The following RABGAP1L variants were observed in gnomAD, a reference collection of about 807,000 sequenced individuals.
The protein encoded by RABGAP1L is RAB GTPase activating protein 1 like, also known as rab GTPase-activating protein 1-like.
Under a neutral mutation model 137.7 loss-of-function variants are expected in RABGAP1L, and 63 were observed. That is an observed-to-expected ratio of 0.46 (90% CI 0.37 to 0.56). The LOEUF is 0.56. Among genes scored for constraint, RABGAP1L ranks in the 20% least tolerant of loss-of-function variants. The probability of loss-of-function intolerance (pLI) is 0.00; values close to 1 mark genes in which losing one functional copy is unlikely to be tolerated. For synonymous variants in RABGAP1L, 431 were observed against 433.7 expected, an observed-to-expected ratio of 0.99 and a Z score of 0.08; for missense variants, 1,095 against 1,244.0, an observed-to-expected ratio of 0.88 and a Z score of 1.80.
chr1:174,396,321 T>C (rs1046920330), intron 13 of RABGAP1L, among the ~76,000 whole-genome samples: 5 of 152,244 alleles, frequency 3.3e-5, no homozygotes, highest in Admixed American at 2.6e-4. Flanking sequence ...TTTTATGTTA[T>C]GTTTAACACA....
chr1:174,305,182 A>G lies in RABGAP1L; in HGVS notation c.1465+55A>G. On this transcript the variant is annotated intron_variant, in intron 11 of 25. Transcript: ENST00000681986. ...TGTCTGTATAGCTGCTTTACTTACA[A>G]TCTTCAGAGGAGGTGTGTGTGTTGT... 3 of 1,445,328 alleles carry G rather than the reference A, an allele frequency of 2.1e-6. 1 individual carries two copies. The highest frequency in any genetic ancestry group is 2.7e-6 in the Non-Finnish European group (3 of 1,101,074). 89.5% of individuals were successfully genotyped at this position (1,445,328 alleles called of 1,614,324 possible).
At chr1:174,858,843 A>G (rs1351305283) in intron 19 of RABGAP1L, among the ~76,000 whole-genome samples, 4 of 152,240 alleles carry the variant, frequency 2.6e-5, no homozygotes, top group Admixed American at 2.0e-4. Context: ...TCATCTGAGC[A>G]GGTTTAAAGA....
At chr1:174,288,357 T>G (rs1676259561) in intron 10 of RABGAP1L, among the ~76,000 whole-genome samples, 2 of 152,196 alleles carry the variant, frequency 1.3e-5, no homozygotes, top group Admixed American at 1.3e-4. Context: ...TCATTTCAAC[T>G]TGAAGAACTT....
At chr1:174,300,545 A>AC (rs902583535) in intron 10 of RABGAP1L, among the ~76,000 whole-genome samples, 16 of 151,668 alleles carry the variant, frequency 1.1e-4, no homozygotes, top group African/African-American at 3.4e-4. Flanking sequence ...AAAAAAAAAA[A>AC]AAAGTGAGGT....
At chr1:174,601,692 C>T (rs1670426358) in intron 13 of RABGAP1L, among the ~76,000 whole-genome samples, 1 of 152,078 alleles carries the variant, frequency 6.6e-6, no homozygotes, top group East Asian at 1.9e-4. Context: ...TTCTTTTCTA[C>T]TGCATTAGGC....
chr1:174,376,995 A>G (rs1389610170), intron 12 of RABGAP1L, among the ~76,000 whole-genome samples: 1 of 152,232 alleles, frequency 6.6e-6, no homozygotes, highest in Admixed American at 6.5e-5. Context: ...TAGATCTAAT[A>G]AATGAGTTTT....
At chr1:174,272,393 T>C in intron 7 of RABGAP1L, 21 bp from the exon 8 acceptor site, 1 of 1,600,788 alleles carries the variant, frequency 6.2e-7, no homozygotes, top group East Asian at 2.3e-5. Context: ...ATTTCTCCTT[T>C]TTTTCCCCCA....
rs867464258 is a variant in RABGAP1L, at chr1:174,580,634, G to T, written c.1711-56741G>T. ...ATCACACACCGGGGCCTGCTGTGGG[G>T]TGGGAGGAGGGGGGAGGGATAGCAT... On this transcript the variant is annotated intron_variant, in intron 13 of 25. Coordinates refer to ENST00000681986, the MANE Select transcript of RABGAP1L (RefSeq NM_001366446.1). Among the ~76,000 whole-genome samples the T allele has an allele frequency of 2.4e-4, 36 of 152,212 alleles. No homozygotes were observed. The Middle Eastern group carries it at 0.01, about 43-fold the overall frequency.
chr1:174,402,048 A>C (rs899855479), intron 13 of RABGAP1L, among the ~76,000 whole-genome samples: 1 of 152,128 alleles, frequency 6.6e-6, no homozygotes, highest in Non-Finnish European at 1.5e-5. Context: ...TAACCTTAGT[A>C]CTCAATGCTA....
chr1:174,455,936 G>T (rs1655995466), intron 13 of RABGAP1L, among the ~76,000 whole-genome samples: 1 of 152,024 alleles, frequency 6.6e-6, no homozygotes, highest in Non-Finnish European at 1.5e-5. Flanking sequence ...TACTACTGAC[G>T]ACGTGTCTTG....
intron 11 of RABGAP1L, among the ~76,000 whole-genome samples, chr1:174,330,983 A>G (rs1176024416): frequency 6.6e-6 from 1 of 152,232 alleles, no homozygotes; most frequent in African/African-American, 2.4e-5. Context: ...TGGCATAAAA[A>G]ATAGACGCAT....
chr1:174,550,483 G>A (rs886752412), intron 13 of RABGAP1L, among the ~76,000 whole-genome samples: 2 of 152,038 alleles, frequency 1.3e-5, no homozygotes, highest in African/African-American at 4.8e-5. Flanking sequence ...GATAGTCCTA[G>A]GCTTCTGAAA....
intron 18 of RABGAP1L, among the ~76,000 whole-genome samples, chr1:174,767,946 A>G (rs962023554): frequency 1.3e-5 from 2 of 152,164 alleles, no homozygotes; most frequent in Non-Finnish European, 1.5e-5. Flanking sequence ...TTATTAAAAC[A>G]TCAGATTTCG....
rs535421553 is a variant in RABGAP1L at position 174,297,457 on chromosome 1, T to A, written c.1324-7529T>A. ...GGAAGAGGAAGGGCCAGGTTCCTCC[T>A]GCTGCAAACAGGGCGAACTTCTCGA... On this transcript the variant is annotated intron_variant, in intron 10 of 25. Coordinates refer to ENST00000681986, the MANE Select transcript of RABGAP1L (RefSeq NM_001366446.1). 3.3e-5 allele frequency among the ~76,000 whole-genome samples: 5 copies of A among 152,368 alleles called. No homozygotes were observed. In the South Asian group the frequency reaches 1.0e-3, roughly 32 times the overall value.
At chr1:174,729,232 C>T (rs1057199740) in intron 17 of RABGAP1L, among the ~76,000 whole-genome samples, 1 of 152,148 alleles carries the variant, frequency 6.6e-6, no homozygotes, top group Non-Finnish European at 1.5e-5. Flanking sequence ...GGAGAAAGGA[C>T]TCCCTATTCA....
chr1:174,306,392 G>A (rs906282639), intron 11 of RABGAP1L, among the ~76,000 whole-genome samples: 1 of 152,188 alleles, frequency 6.6e-6, no homozygotes, highest in South Asian at 2.1e-4. Flanking sequence ...CAGTGTAAAA[G>A]TGTTCCTATT....
At chr1:174,271,009 A>C (rs960093588) in intron 7 of RABGAP1L, among the ~76,000 whole-genome samples, 9 of 152,156 alleles carry the variant, frequency 5.9e-5, no homozygotes, top group African/African-American at 2.2e-4. Flanking sequence ...TAGTACAGTG[A>C]ATTGCATGAT....
chr1:174,297,095 T>C (rs1677195778), intron 10 of RABGAP1L, among the ~76,000 whole-genome samples: 2 of 152,352 alleles, frequency 1.3e-5, no homozygotes, highest in South Asian at 2.1e-4. Context: ...GTATGTACTA[T>C]ATTGTATTGA....
chr1:174,699,832 T>A (rs1679515523), intron 16 of RABGAP1L, among the ~76,000 whole-genome samples, 182 bp downstream of exon 16: 1 of 152,216 alleles, frequency 6.6e-6, no homozygotes, highest in Non-Finnish European at 1.5e-5. Context: ...TTTAGCCATT[T>A]TACTATTTTA....
Sources: allele counts gnomAD v4.1 joint callset (sites outside exome capture counted in the v4.1 genomes callset), GRCh38; gene constraint gnomAD v4.1.1; transcripts MANE v1.5; gene names NCBI Gene and HGNC (gene_info 2026-07-23, HGNC 2026-07-21).